Variants in KCND2 observed in about 807,000 individuals in gnomAD.
KCND2 encodes potassium voltage-gated channel subfamily D member 2, also known as A-type voltage-gated potassium channel KCND2.
Under a neutral mutation model 54.4 loss-of-function variants are expected in KCND2, and 16 were observed. That is an observed-to-expected ratio of 0.29 (90% CI 0.20 to 0.45). The LOEUF is 0.45. KCND2 is among the 20% of genes least tolerant of loss of function. KCND2 has a pLI of 1.00. For synonymous variants in KCND2, 317 were observed against 310.7 expected, an observed-to-expected ratio of 1.02 and a Z score of -0.21; for missense variants, 486 against 824.2, an observed-to-expected ratio of 0.59 and a Z score of 5.02.
At position 120,568,359 on chromosome 7, in the gene KCND2, C is replaced by T. The variant is rs552836108; in HGVS notation, c.1116-164544C>T. ...TCCTATTTATACTTAGCAAAATGTA[C>T]AATTTCATTATTAGGATAAAAGACC... On this transcript the variant is annotated intron_variant, in intron 1 of 5. Coordinates refer to ENST00000331113, the MANE Select transcript of KCND2 (RefSeq NM_012281.3). Among the ~76,000 whole-genome samples, 29 of 152,054 alleles carry T rather than the reference C, an allele frequency of 1.9e-4. No individual in the cohort carries two copies. In the South Asian group the frequency reaches 6.0e-3, roughly 32 times the overall value.
At chr7:120,401,123 A>G (rs1025643896) in intron 1 of KCND2, among the ~76,000 whole-genome samples, 15 of 152,104 alleles carry the variant, frequency 9.9e-5, no homozygotes, top group African/African-American at 3.1e-4. Flanking sequence ...CAGTGTTCCA[A>G]TTGGACTGCA....
At position 120,424,039 on chromosome 7, in the gene KCND2, G is replaced by A. The variant is rs995543023; in HGVS notation, c.1115+148292G>A. 2.0e-5 allele frequency among the ~76,000 whole-genome samples: 3 copies of A among 152,114 alleles called. No homozygotes were observed. In the East Asian group the frequency reaches 5.8e-4, roughly 29 times the overall value. ...ATAAAATTGGTAGATTATCCTATAG[G>A]CCACTCAGAAAATGGCTAATTACTT... On this transcript the variant is annotated intron_variant, in intron 1 of 5. Coordinates refer to ENST00000331113, the MANE Select transcript of KCND2 (RefSeq NM_012281.3).
At chr7:120,600,288 C>T (rs1416235807) in intron 1 of KCND2, among the ~76,000 whole-genome samples, 3 of 151,890 alleles carry the variant, frequency 2.0e-5, no homozygotes, top group Non-Finnish European at 4.4e-5. Flanking sequence ...TTTTTAGTCT[C>T]TGTAAGTCTT....
intron 1 of KCND2, among the ~76,000 whole-genome samples, chr7:120,701,703 G>C (rs1047511962): frequency 7.9e-5 from 12 of 152,084 alleles, no homozygotes; most frequent in African/African-American, 2.7e-4. Context: ...CAGGAGGAAA[G>C]GACTCCTTAT....
chr7:120,531,171 A>G (rs535221614), intron 1 of KCND2, among the ~76,000 whole-genome samples: 3 of 152,212 alleles, frequency 2.0e-5, no homozygotes, highest in Middle Eastern at 6.8e-3. Context: ...CTTCTAAACT[A>G]TGAAGCAACT....
intron 1 of KCND2, among the ~76,000 whole-genome samples, chr7:120,284,002 A>T (rs1799302344): frequency 6.6e-6 from 1 of 152,182 alleles, no homozygotes; most frequent in Non-Finnish European, 1.5e-5. Flanking sequence ...CACCATGCTG[A>T]AGAATAAACT....
chr7:120,462,119 T>A (rs1309539988), intron 1 of KCND2, among the ~76,000 whole-genome samples: 2 of 152,020 alleles, frequency 1.3e-5, no homozygotes, highest in South Asian at 2.1e-4. Context: ...TCATATTGTA[T>A]CTCTCTACAA....
chr7:120,557,154 T>C lies in KCND2; in HGVS notation c.1116-175749T>C, dbSNP rs147836742. 4.2e-3 allele frequency among the ~76,000 whole-genome samples: 643 copies of C among 152,288 alleles called. 2 individuals carry two copies. The highest frequency in any genetic ancestry group is 0.017 in the Middle Eastern group (5 of 294). ...AAAGCTATACAGATAGATTTCTTAA[T>C]TGATACATAACAGATGTACATATTT... is the stretch of plus-strand genomic sequence containing the variant. On this transcript the variant is annotated intron_variant, in intron 1 of 5. Coordinates refer to ENST00000331113, the MANE Select transcript of KCND2 (RefSeq NM_012281.3).
chr7:120,627,171 G>C (rs1321666310), intron 1 of KCND2, among the ~76,000 whole-genome samples: 2 of 151,774 alleles, frequency 1.3e-5, no homozygotes, highest in East Asian at 3.9e-4. Flanking sequence ...TTAAGCATCT[G>C]TCACGTGTCC....
At chr7:120,573,656 A>G (rs1033795589) in intron 1 of KCND2, among the ~76,000 whole-genome samples, 1 of 152,234 alleles carries the variant, frequency 6.6e-6, no homozygotes, top group Non-Finnish European at 1.5e-5. Flanking sequence ...TATTTCATTC[A>G]TTAAGAAGTT....
chr7:120,637,752 A>G (rs1793322987), intron 1 of KCND2, among the ~76,000 whole-genome samples: 3 of 152,126 alleles, frequency 2.0e-5, no homozygotes, highest in Non-Finnish European at 4.4e-5. Flanking sequence ...CACATTTCTC[A>G]AGGTGATTTA....
chr7:120,496,420 T>C (rs1217279444), intron 1 of KCND2, among the ~76,000 whole-genome samples: 1 of 151,576 alleles, frequency 6.6e-6, no homozygotes, highest in East Asian at 1.9e-4. Flanking sequence ...TATATAAAAA[T>C]ATATAATTTT....
intron 1 of KCND2, among the ~76,000 whole-genome samples, chr7:120,655,830 T>A (rs1309130956): frequency 6.6e-6 from 1 of 152,098 alleles, no homozygotes; most frequent in African/African-American, 2.4e-5. Context: ...CATTCTAATT[T>A]TAAAGATCCT....
At chr7:120,686,093 T>C (rs1259100467) in intron 1 of KCND2, among the ~76,000 whole-genome samples, 1 of 152,174 alleles carries the variant, frequency 6.6e-6, no homozygotes, top group African/African-American at 2.4e-5. Flanking sequence ...GATATTTAAA[T>C]GGAATATGTT....
Position 120,707,939 on chromosome 7 carries a change from A to G in KCND2, c.1116-24964A>G, listed in dbSNP as rs187858479. The stretch of plus-strand genomic sequence containing the variant: ...ACCTCCTCTGCTTCAGCAAGAAACT[A>G]GCTAGCCTGCAGTCAGAACTGGAGC... On this transcript the variant is annotated intron_variant, in intron 1 of 5. Transcript: ENST00000331113. Among the ~76,000 whole-genome samples, 3 of 152,194 alleles carry G rather than the reference A, an allele frequency of 2.0e-5. No homozygotes were observed. The East Asian group carries it at 5.8e-4, about 29-fold the overall frequency.
chr7:120,669,157 G>GA (rs1248719473), intron 1 of KCND2, among the ~76,000 whole-genome samples: 1 of 151,356 alleles, frequency 6.6e-6, no homozygotes, highest in African/African-American at 2.4e-5. Context: ...TTTCCAAGAG[G>GA]AAAAAAAATG....
intron 1 of KCND2, among the ~76,000 whole-genome samples, chr7:120,399,179 T>C (rs1368878907): frequency 6.6e-6 from 1 of 151,820 alleles, no homozygotes; most frequent in Non-Finnish European, 1.5e-5. Context: ...AGTAGAAGCA[T>C]AATATTTTTA....
intron 1 of KCND2, among the ~76,000 whole-genome samples, chr7:120,632,583 C>T (rs939978494): frequency 4.6e-5 from 7 of 152,200 alleles, no homozygotes; most frequent in Admixed American, 2.6e-4. Context: ...TATACTTGGA[C>T]AAAATCTCCT....
chr7:120,483,763 A>G (rs892110099), intron 1 of KCND2, among the ~76,000 whole-genome samples: 1 of 152,184 alleles, frequency 6.6e-6, no homozygotes, highest in Non-Finnish European at 1.5e-5. Context: ...AAAGAAAGCA[A>G]TTTCAGTCAG....
Sources: allele counts gnomAD v4.1 joint callset (sites outside exome capture counted in the v4.1 genomes callset), GRCh38; gene constraint gnomAD v4.1.1; transcripts MANE v1.5; gene names NCBI Gene and HGNC (gene_info 2026-07-23, HGNC 2026-07-21).